EYS: variants seen among roughly 807,000 people sequenced by gnomAD.
The protein encoded by EYS is EGF-like photoreceptor maintenance factor.
EYS carries 250 observed loss-of-function variants against 282.1 expected under a neutral mutation model. The ratio of observed to expected loss-of-function variants is 0.89; its 90% confidence interval spans 0.80 to 0.98. The LOEUF (loss-of-function observed/expected upper bound fraction) is 0.98, where lower values mean the gene tolerates loss of function less well. Ranked by LOEUF, EYS falls within the 50% of genes least tolerant of loss-of-function variation. The pLI, the probability that EYS is intolerant of heterozygous loss-of-function variation, is 0.00. For synonymous variants in EYS, 1,355 were observed against 1,282.9 expected (o/e 1.06, Z -1.20); for missense variants, 4,016 against 3,709.0 (o/e 1.08, Z -2.15).
intron 35 of EYS, among the ~76,000 whole-genome samples, chr6:63,932,760 A>G (rs1379518557): frequency 6.6e-6 from 1 of 152,196 alleles, no homozygotes; most frequent in Non-Finnish European, 1.5e-5. Context: ...CAACCAAGCA[A>G]TTCTCCAGTA....
At chr6:64,902,256 A>G in intron 17 of EYS, 36 bp from the exon 18 acceptor site, 4 of 1,431,880 alleles carry the variant, frequency 2.8e-6, no homozygotes, top group Non-Finnish European at 3.8e-6. Flanking sequence ...CCATTAGTAT[A>G]TATGTATAAA....
intron 2 of EYS, among the ~76,000 whole-genome samples, chr6:65,606,424 T>C (rs992271985): frequency 6.6e-6 from 1 of 151,848 alleles, no homozygotes; most frequent in African/African-American, 2.4e-5. Flanking sequence ...TAAAATGAAA[T>C]TCTAAGATAA....
intron 2 of EYS, among the ~76,000 whole-genome samples, chr6:65,617,709 C>T (rs1444023901): frequency 3.1e-5 from 4 of 130,854 alleles, no homozygotes; most frequent in Admixed American, 1.6e-4. Context: ...CCCCTCCCCC[C>T]ACCCCACCAC....
At chr6:65,376,790 T>C (rs765910737) in intron 8 of EYS, among the ~76,000 whole-genome samples, 5 of 152,138 alleles carry the variant, frequency 3.3e-5, no homozygotes, top group Non-Finnish European at 7.4e-5. Context: ...CATTACATAA[T>C]GGTAAAGGGA....
chr6:64,104,145 T>A (rs1772925685), intron 31 of EYS, among the ~76,000 whole-genome samples: 2 of 152,152 alleles, frequency 1.3e-5, no homozygotes, highest in Admixed American at 1.3e-4. Context: ...ACATAAAAGC[T>A]GAAGAGCTTA....
chr6:65,433,383 T>C (rs555542212), intron 5 of EYS, among the ~76,000 whole-genome samples: 2 of 152,250 alleles, frequency 1.3e-5, no homozygotes, highest in African/African-American at 2.4e-5. Context: ...ATTCCGGGTC[T>C]TAACATTTTG....
chr6:64,033,200 C>T (rs1289131098), intron 33 of EYS, among the ~76,000 whole-genome samples: 3 of 152,154 alleles, frequency 2.0e-5, no homozygotes, highest in African/African-American at 4.8e-5. Context: ...TTTTTCATTA[C>T]ATTATTTGTC....
chr6:65,512,806 T>G (rs1766949659), intron 2 of EYS, among the ~76,000 whole-genome samples: 1 of 151,402 alleles, frequency 6.6e-6, no homozygotes, highest in Admixed American at 6.6e-5. Flanking sequence ...AGAGGGAAAT[T>G]TATAGCACCA....
chr6:64,496,386 G>A (rs1473674168), intron 26 of EYS, among the ~76,000 whole-genome samples: 1 of 151,884 alleles, frequency 6.6e-6, no homozygotes, highest in East Asian at 1.9e-4. Context: ...ATGAATAGTG[G>A]CCTTGCTTGT....
intron 12 of EYS, among the ~76,000 whole-genome samples, chr6:65,194,997 T>C: frequency 6.6e-6 from 1 of 152,120 alleles, no homozygotes; most frequent in Non-Finnish European, 1.5e-5. Context: ...GGCTGTATGT[T>C]AGTTGATATG....
At chr6:64,746,018 T>C (rs1044285799) in intron 22 of EYS, among the ~76,000 whole-genome samples, 1 of 152,074 alleles carries the variant, frequency 6.6e-6, no homozygotes, top group East Asian at 1.9e-4. Flanking sequence ...GAAGAAAACA[T>C]TGAAAGTTTT....
At chr6:63,933,959 A>T (rs1214732115) in intron 35 of EYS, among the ~76,000 whole-genome samples, 1 of 152,210 alleles carries the variant, frequency 6.6e-6, no homozygotes, top group Non-Finnish European at 1.5e-5. Flanking sequence ...CATCAGAGTG[A>T]ACAGGCAACC....
intron 2 of EYS, among the ~76,000 whole-genome samples, chr6:65,502,253 T>A (rs1288204166): frequency 6.6e-6 from 1 of 151,718 alleles, no homozygotes; most frequent in Non-Finnish European, 1.5e-5. Flanking sequence ...CAAAACATAC[T>A]CTTACCATGT....
chr6:65,576,065 C>T (rs9351511), intron 2 of EYS, among the ~76,000 whole-genome samples: 97,295 of 151,862 alleles, frequency 0.64, 32,503 homozygotes, highest in African/African-American at 0.84. Context: ...GATAATACTT[C>T]CAAATGGATT....
At chr6:64,999,760 G>A (rs749484723) in intron 13 of EYS, among the ~76,000 whole-genome samples, 5 of 152,144 alleles carry the variant, frequency 3.3e-5, no homozygotes. Flanking sequence ...CAGGAGGAAC[G>A]CACTGACAAG....
In EYS at chr6:65,353,492, A is replaced by G; in HGVS notation, c.1425T>C (p.Ala475=). 1.9e-6 allele frequency: 3 copies of G among 1,613,274 alleles called. No individual in the cohort carries two copies. Among genetic ancestry groups the G allele is most frequent in the Non-Finnish European group, 2.5e-6 (3 of 1,179,496 alleles). ...FHGICQDKGP[A]QFEYVWQLGF... ...CCAATTGCCACACATATTCAAATTG[A>G]GCAGGACCTTTATCTTGGCAAATAC... is the stretch of plus-strand genomic sequence containing the variant. The change falls in exon 9 of 43, where the codon GCT becomes GCC. Residue 475 remains alanine, a synonymous_variant. Coordinates refer to ENST00000503581, the MANE Select transcript of EYS (RefSeq NM_001142800.2).
chr6:64,529,697 T>C (rs1764259282), intron 26 of EYS, among the ~76,000 whole-genome samples: 1 of 152,050 alleles, frequency 6.6e-6, no homozygotes, highest in East Asian at 1.9e-4. Flanking sequence ...CACTGCTTGA[T>C]CAGTGCTATA....
At chr6:65,160,047 A>AT (rs752516906) in intron 12 of EYS, among the ~76,000 whole-genome samples, 1 of 150,918 alleles carries the variant, frequency 6.6e-6, no homozygotes. Flanking sequence ...CCACAATTTG[A>AT]TTTTTTGTGC....
At chr6:64,512,604 A>G (rs79789149) in intron 26 of EYS, among the ~76,000 whole-genome samples, 1,531 of 151,854 alleles carry the variant, frequency 0.01, 32 homozygotes, top group East Asian at 0.082. Context: ...AATATGATTA[A>G]TCTGTGTTAT....
Sources: gnomAD v4.1 joint callset for allele counts (sites outside exome capture counted in the v4.1 genomes callset) on GRCh38, gnomAD v4.1.1 for gene constraint, MANE v1.5 for transcripts, NCBI Gene and HGNC (gene_info 2026-07-23, HGNC 2026-07-21) for gene names.